PRKG1: variants seen among roughly 807,000 people sequenced by gnomAD.
The protein encoded by PRKG1 is cGMP-dependent protein kinase 1.
PRKG1 carries 35 observed loss-of-function variants against 88.1 expected under a neutral mutation model. That is an observed-to-expected ratio of 0.40 (90% CI 0.30 to 0.53). PRKG1 has a LOEUF of 0.53. Among genes scored for constraint, PRKG1 ranks in the 20% least tolerant of loss-of-function variants. PRKG1 has a pLI of 0.59. For missense variants in PRKG1, 540 were observed against 839.8 expected, an observed-to-expected ratio of 0.64 and a Z score of 4.41; for synonymous variants, 303 against 292.5, an observed-to-expected ratio of 1.04 and a Z score of -0.37.
chr10:51,219,819 C>T (rs1316803981), intron 2 of PRKG1, among the ~76,000 whole-genome samples: 1 of 151,954 alleles, frequency 6.6e-6, no homozygotes, highest in South Asian at 2.1e-4. Flanking sequence ...GAGTGGATAT[C>T]TAAGGTTTCC....
chr10:51,931,730 T>A (rs1355439146), intron 5 of PRKG1, among the ~76,000 whole-genome samples: 1 of 152,162 alleles, frequency 6.6e-6, no homozygotes. Context: ...AATCAAGAAA[T>A]AATTTTGCAT....
At chr10:52,169,809 T>C (rs1838609976) in intron 9 of PRKG1, among the ~76,000 whole-genome samples, 1 of 152,152 alleles carries the variant, frequency 6.6e-6, no homozygotes, top group South Asian at 2.1e-4. Flanking sequence ...AATGTGTAAA[T>C]GGAAGATTAT....
chr10:51,994,890 C>G (rs151295115), intron 5 of PRKG1, among the ~76,000 whole-genome samples: 1 of 152,156 alleles, frequency 6.6e-6, no homozygotes, highest in Non-Finnish European at 1.5e-5. Flanking sequence ...TACAACACTG[C>G]AAGCTAAAGG....
At chr10:51,701,003 A>G (rs917174404) in intron 3 of PRKG1, among the ~76,000 whole-genome samples, 2 of 152,216 alleles carry the variant, frequency 1.3e-5, no homozygotes, top group Non-Finnish European at 2.9e-5. Context: ...CATACATGAA[A>G]GATTTTAATG....
intron 1 of PRKG1, among the ~76,000 whole-genome samples, chr10:51,086,868 A>G (rs1226260545): frequency 3.9e-5 from 6 of 152,240 alleles, no homozygotes; most frequent in Non-Finnish European, 1.5e-5. Context: ...GTAATAGAGC[A>G]GTGCTCCATC....
At chr10:51,082,479 G>T (rs2131851751) in intron 1 of PRKG1, among the ~76,000 whole-genome samples, 1 of 152,270 alleles carries the variant, frequency 6.6e-6, no homozygotes, top group East Asian at 1.9e-4. Context: ...AAATCAGAAT[G>T]TCCGGGTGTT....
chr10:52,086,156 C>CA (rs370536583), intron 7 of PRKG1, among the ~76,000 whole-genome samples: 1 of 151,440 alleles, frequency 6.6e-6, no homozygotes, highest in Admixed American at 6.6e-5. Context: ...AAAATTATTC[C>CA]AAAAAAAAGT....
chr10:52,156,468 A>G (rs1838102159), intron 8 of PRKG1, among the ~76,000 whole-genome samples: 1 of 151,788 alleles, frequency 6.6e-6, no homozygotes, highest in Admixed American at 6.6e-5. Context: ...GATAGTAGGT[A>G]TTGTATATGT....
At chr10:52,230,432 C>T (rs1308393361) in intron 9 of PRKG1, among the ~76,000 whole-genome samples, 3 of 152,274 alleles carry the variant, frequency 2.0e-5, no homozygotes, top group Admixed American at 2.0e-4. Context: ...CATGCATTCT[C>T]TCATTTATTA....
chr10:52,020,511 G>A (rs759236587), intron 5 of PRKG1, among the ~76,000 whole-genome samples: 4 of 152,096 alleles, frequency 2.6e-5, no homozygotes, highest in African/African-American at 7.2e-5. Flanking sequence ...GAGAAGGAGT[G>A]GAAGTTTATT....
At chr10:51,093,805 C>T (rs199727802) in intron 1 of PRKG1, among the ~76,000 whole-genome samples, 4,720 of 126,044 alleles carry the variant, frequency 0.037, 84 homozygotes, top group Middle Eastern at 0.081. Flanking sequence ...TATATATACA[C>T]ACACACACAC....
intron 2 of PRKG1, among the ~76,000 whole-genome samples, chr10:51,281,747 C>T (rs575725123): frequency 2.0e-5 from 3 of 152,120 alleles, no homozygotes; most frequent in Admixed American, 2.0e-4. Context: ...GGGGTAGGGG[C>T]AGTGACAAGC....
At chr10:50,997,604 A>C (rs1842849323) in intron 1 of PRKG1, among the ~76,000 whole-genome samples, 2 of 152,184 alleles carry the variant, frequency 1.3e-5, no homozygotes, top group South Asian at 4.1e-4. Flanking sequence ...AATTATTTTC[A>C]TTTGCCATTG....
rs1356199615 is a variant in PRKG1, at chr10:51,942,226, G to GT, written c.762+34662dup. 3.9e-5 allele frequency among the ~76,000 whole-genome samples: 6 copies of GT among 152,080 alleles called. No homozygotes were observed. In the East Asian group the frequency reaches 7.7e-4, roughly 20 times the overall value. On this transcript the variant is annotated intron_variant, in intron 5 of 17. Coordinates refer to ENST00000373980, the MANE Select transcript of PRKG1 (RefSeq NM_006258.4). ...AGTGATGATGAGCATTTTTTCACGTGTTTTTTGGCTGCATAAATGTCTTCT... is the reference window on the plus strand; with the variant it reads ...AGTGATGATGAGCATTTTTTCACGTGTTTTTTTGGCTGCATAAATGTCTTCT...
chr10:52,082,864 A>T (rs1170311459), intron 7 of PRKG1, among the ~76,000 whole-genome samples: 1 of 152,226 alleles, frequency 6.6e-6, no homozygotes, highest in Admixed American at 6.6e-5. Flanking sequence ...TGTTTTAAAA[A>T]TTTTTTGCTT....
chr10:51,851,366 C>T (rs911717728), intron 4 of PRKG1, among the ~76,000 whole-genome samples: 4 of 152,074 alleles, frequency 2.6e-5, no homozygotes, highest in Admixed American at 2.6e-4. Context: ...TTGCTACTGG[C>T]TTCTAGTGGA....
chr10:52,148,801 C>T (rs1383495599), intron 8 of PRKG1, among the ~76,000 whole-genome samples: 2 of 151,716 alleles, frequency 1.3e-5, no homozygotes, highest in Non-Finnish European at 2.9e-5. Flanking sequence ...TTAGCAGAGT[C>T]GTGATAACTT....
At chr10:51,288,923 G>A (rs758121675) in intron 2 of PRKG1, among the ~76,000 whole-genome samples, 1 of 152,028 alleles carries the variant, frequency 6.6e-6, no homozygotes, top group Non-Finnish European at 1.5e-5. Context: ...TTGCATGCAT[G>A]ATTATGTATG....
chr10:52,110,264 C>A (rs530578407), intron 7 of PRKG1, among the ~76,000 whole-genome samples: 1 of 151,046 alleles, frequency 6.6e-6, no homozygotes, highest in African/African-American at 2.5e-5. Context: ...AGGAGAATGG[C>A]GTGCTTGCAG....
Sources: allele counts gnomAD v4.1 joint callset (sites outside exome capture counted in the v4.1 genomes callset), GRCh38; gene constraint gnomAD v4.1.1; transcripts MANE v1.5; gene names NCBI Gene and HGNC (gene_info 2026-07-23, HGNC 2026-07-21).